LARGE1: variants seen among roughly 807,000 people sequenced by gnomAD.
LARGE1 encodes the protein xylosyl- and glucuronyltransferase LARGE1.
A neutral mutation model predicts 87.6 loss-of-function variants in LARGE1; 43 were observed. That is an observed-to-expected ratio of 0.49 (90% CI 0.38 to 0.63). LARGE1 has a LOEUF of 0.63. LARGE1 is among the 30% of genes least tolerant of loss of function. LARGE1 has a pLI of 0.00. For missense variants in LARGE1, 802 were observed against 1,000.2 expected, an observed-to-expected ratio of 0.80 and a Z score of 2.67; for synonymous variants, 434 against 394.6, an observed-to-expected ratio of 1.10 and a Z score of -1.18.
the LARGE1 span, among the ~76,000 whole-genome samples, chr22:33,142,768 C>G: frequency 1.3e-5 from 2 of 152,212 alleles, no homozygotes; most frequent in Non-Finnish European, 2.9e-5. Context: ...AAGCTCATCA[C>G]TCAACGATTT....
At chr22:33,298,730 C>A (rs1446495836) in intron 12 of LARGE1, among the ~76,000 whole-genome samples, 1 of 152,160 alleles carries the variant, frequency 6.6e-6, no homozygotes, top group Non-Finnish European at 1.5e-5. Flanking sequence ...ACTTGGGAGG[C>A]TGAGGCAGGA....
intron 7 of LARGE1, among the ~76,000 whole-genome samples, chr22:33,400,275 T>C (rs900977159): frequency 2.0e-5 from 3 of 152,180 alleles, no homozygotes; most frequent in Admixed American, 2.0e-4. Flanking sequence ...AGGAACAATA[T>C]ACTGAGTAGT....
At chr22:33,883,825 T>TA (rs1203852996) in intron 1 of LARGE1, among the ~76,000 whole-genome samples, 1 of 152,156 alleles carries the variant, frequency 6.6e-6, no homozygotes, top group African/African-American at 2.4e-5. Context: ...CCGCAAACCC[T>TA]AACCCACTCC....
At chr22:33,678,353 T>C (rs2081643457) in intron 2 of LARGE1, among the ~76,000 whole-genome samples, 1 of 152,136 alleles carries the variant, frequency 6.6e-6, no homozygotes, top group African/African-American at 2.4e-5. Flanking sequence ...AATTTGACCA[T>C]ATATTCTAAT....
chr22:33,807,316 T>C (rs750106422), intron 1 of LARGE1, among the ~76,000 whole-genome samples: 1 of 152,216 alleles, frequency 6.6e-6, no homozygotes, highest in Non-Finnish European at 1.5e-5. Context: ...AACCAGCATG[T>C]AGTAGGTGTT....
At chr22:33,217,967 T>C (rs1375935788) in intron 11 of LARGE1, among the ~76,000 whole-genome samples, 1 of 151,968 alleles carries the variant, frequency 6.6e-6, no homozygotes, top group Non-Finnish European at 1.5e-5. Flanking sequence ...TCTCACTCTG[T>C]CGCCCAGGCT....
At chr22:33,315,924 G>A (rs1305181724) in intron 11 of LARGE1, among the ~76,000 whole-genome samples, 161 bp downstream of exon 11, 10 of 152,112 alleles carry the variant, frequency 6.6e-5, no homozygotes, top group Admixed American at 5.2e-4. Flanking sequence ...CACCGTGCCC[G>A]GCCCAGGCTT....
intron 1 of LARGE1, among the ~76,000 whole-genome samples, chr22:33,915,665 T>C (rs1376577856): frequency 6.6e-6 from 1 of 152,208 alleles, no homozygotes; most frequent in Admixed American, 6.5e-5. Flanking sequence ...AATAACAATG[T>C]GGGATAACCA....
At chr22:33,303,813 G>GA (rs1397584582) in intron 12 of LARGE1, among the ~76,000 whole-genome samples, 1 of 151,288 alleles carries the variant, frequency 6.6e-6, no homozygotes, top group Admixed American at 6.6e-5. Context: ...TTAGTAGGGG[G>GA]GGGGTTTCAC....
At chr22:33,475,201 C>T (rs1167925755) in intron 6 of LARGE1, among the ~76,000 whole-genome samples, 2 of 152,032 alleles carry the variant, frequency 1.3e-5, no homozygotes, top group Non-Finnish European at 2.9e-5. Context: ...GGTGGGACTA[C>T]CAGGGTTTGA....
chr22:33,661,178 T>C (rs2081111038), intron 2 of LARGE1, among the ~76,000 whole-genome samples: 3 of 152,182 alleles, frequency 2.0e-5, no homozygotes, highest in East Asian at 1.9e-4. Flanking sequence ...CAAACTGTCA[T>C]TCTGGTTGGC....
At chr22:33,713,935 G>C (rs532109513) in intron 2 of LARGE1, among the ~76,000 whole-genome samples, 1 of 152,034 alleles carries the variant, frequency 6.6e-6, no homozygotes, top group Non-Finnish European at 1.5e-5. Context: ...CAGCCTGGGT[G>C]ACAGCAAGAC....
rs890559849 is a variant in LARGE1, at chr22:33,609,084, C to A, written c.492-4526G>T. ...AGTTCTTCCAAGCACAGACAAAAAA[C>A]GGGCTGAATGAATATCTAACAAAGA... On this transcript the variant is annotated intron_variant, in intron 4 of 14. Coordinates refer to ENST00000397394, the MANE Select transcript of LARGE1 (RefSeq NM_133642.5). Among the ~76,000 whole-genome samples, 4 of 152,106 alleles carry A rather than the reference C, an allele frequency of 2.6e-5. No individual in the cohort carries two copies. The East Asian group carries it at 7.7e-4, about 29-fold the overall frequency.
At chr22:33,314,779 T>C (rs1045198240) in intron 11 of LARGE1, among the ~76,000 whole-genome samples, 5 of 152,106 alleles carry the variant, frequency 3.3e-5, no homozygotes, top group Admixed American at 1.3e-4. Flanking sequence ...CATGTGTAAA[T>C]TGAAGCGGAA....
the LARGE1 span, among the ~76,000 whole-genome samples, chr22:33,136,955 G>T: frequency 7.9e-5 from 12 of 151,694 alleles, no homozygotes; most frequent in African/African-American, 2.9e-4. Context: ...ATAAACTGGA[G>T]ATCTATATGT....
At chr22:33,519,972 C>T (rs145268091) in intron 6 of LARGE1, among the ~76,000 whole-genome samples, 2 of 143,414 alleles carry the variant, frequency 1.4e-5, no homozygotes, top group Admixed American at 7.0e-5. Context: ...AGAGACTGTT[C>T]GTCTATCTGT....
chr22:33,813,881 G>C (rs2086573851), intron 1 of LARGE1, among the ~76,000 whole-genome samples: 1 of 152,124 alleles, frequency 6.6e-6, no homozygotes. Context: ...AATGAACACT[G>C]AACAAACATG....
intron 11 of LARGE1, among the ~76,000 whole-genome samples, chr22:33,215,441 C>T (rs1308075392): frequency 1.3e-5 from 2 of 152,140 alleles, no homozygotes; most frequent in Non-Finnish European, 2.9e-5. Flanking sequence ...CTTTTTAACT[C>T]ATAATAGTTA....
intron 1 of LARGE1, among the ~76,000 whole-genome samples, chr22:33,899,685 C>CT (rs1457019061): frequency 3.3e-5 from 5 of 152,178 alleles, no homozygotes; most frequent in Admixed American, 2.6e-4. Flanking sequence ...GGGTCAACAA[C>CT]TGTGTGTTCA....
Sources: allele counts gnomAD v4.1 joint callset (sites outside exome capture counted in the v4.1 genomes callset), GRCh38; gene constraint gnomAD v4.1.1; transcripts MANE v1.5; gene names NCBI Gene and HGNC (gene_info 2026-07-23, HGNC 2026-07-21).